The following DOCK10 variants were observed in gnomAD, a reference collection of about 807,000 sequenced individuals.
DOCK10 encodes the protein dedicator of cytokinesis 10.
A neutral mutation model predicts 280.1 loss-of-function variants in DOCK10; 145 were observed. The ratio of observed to expected loss-of-function variants is 0.52; its 90% CI spans 0.45 to 0.59. DOCK10 has a LOEUF of 0.59. DOCK10 is among the 20% of genes least tolerant of loss of function. The pLI is 0.00. For missense variants in DOCK10, 2,368 were observed against 2,651.7 expected, an observed-to-expected ratio of 0.89 and a Z score of 2.35; for synonymous variants, 915 against 942.2, an observed-to-expected ratio of 0.97 and a Z score of 0.53.
chr2:224,805,444 A>G lies in DOCK10; in HGVS notation c.3900T>C (p.Asn1300=), dbSNP rs777043420. 1 of 1,612,600 alleles carries G rather than the reference A, an allele frequency of 6.2e-7. No homozygotes were observed. Among genetic ancestry groups the G allele is most frequent in the Non-Finnish European group, 8.5e-7 (1 of 1,179,162 alleles). The part of the protein sequence containing the change: ...LASLDSNPST[N]EKSSEKTDNC... ...TGTCCGTCTTCTCACTGCTCTTCTC[A>G]TTGGTACTTGGATTGGAGTCAAGAC... Residue 1300 remains asparagine, a synonymous_variant, in exon 35 of 56, where the codon AAT becomes AAC. Coordinates refer to ENST00000258390, the MANE Select transcript of DOCK10 (RefSeq NM_014689.3). This position sits in a 1 kb window ranked among gnomAD's most constrained non-coding sequence, Gnocchi z 4.3.
At chr2:224,974,749 T>TC (rs1260666222) in intron 1 of DOCK10, among the ~76,000 whole-genome samples, 7 of 118,484 alleles carry the variant, frequency 5.9e-5, no homozygotes, top group Non-Finnish European at 1.4e-4. Context: ...CAGTATGATT[T>TC]CCCCCAAAAC....
intron 1 of DOCK10, among the ~76,000 whole-genome samples, chr2:225,018,989 GA>G (rs1362246784): frequency 8.4e-6 from 1 of 118,866 alleles, no homozygotes; most frequent in Non-Finnish European, 1.8e-5. Flanking sequence ...TACATATATA[GA>G]TTTTTTTTAC....
Position 224,793,016 on chromosome 2 carries a change from G to A in DOCK10, c.5269C>T (p.Pro1757Ser), listed in dbSNP as rs775672141. ...TASLLSEDTH[P>S]CDSNSLLTTP... Reference sequence around the variant, plus strand: ...GTTAGTAATGAGTTGCTATCACAGGGGTGGGTATCCTCCGAGAGCAGGGAT... The same window carrying A: ...GTTAGTAATGAGTTGCTATCACAGGAGTGGGTATCCTCCGAGAGCAGGGAT... The change falls in exon 47 of 56, where the codon CCC becomes TCC. Residue 1757 changes from proline (P) to serine (S), a missense_variant. Around this residue, in one of 2 missense-constraint regions of DOCK10, gnomAD observed 1,159 missense variants for 1,400.8 expected, o/e 0.83. Coordinates refer to ENST00000258390, the MANE Select transcript of DOCK10 (RefSeq NM_014689.3). 29 of 1,613,492 alleles carry A rather than the reference G, an allele frequency of 1.8e-5. No homozygotes were observed. The highest frequency in any genetic ancestry group is 2.5e-5 in the Non-Finnish European group (29 of 1,179,696).
intron 55 of DOCK10, among the ~76,000 whole-genome samples, chr2:224,766,543 A>G (rs3768869): frequency 0.16 from 24,245 of 152,148 alleles, 2,314 homozygotes; most frequent in East Asian, 0.33. Flanking sequence ...CTTATGATCA[A>G]TATCACAAAG....
intron 1 of DOCK10, among the ~76,000 whole-genome samples, chr2:224,977,101 C>A (rs1300305187): frequency 6.6e-6 from 1 of 152,178 alleles, no homozygotes; most frequent in Admixed American, 6.6e-5. Flanking sequence ...TCCCAACTCA[C>A]CGCAAATTTA....
chr2:224,847,717 G>A (rs998616837), intron 19 of DOCK10, among the ~76,000 whole-genome samples: 1 of 152,118 alleles, frequency 6.6e-6, no homozygotes, highest in African/African-American at 2.4e-5. Context: ...GAATTTGTGG[G>A]GGAAAAATTA....
At chr2:224,890,082 T>C (rs1230321874) in intron 4 of DOCK10, among the ~76,000 whole-genome samples, 1 of 152,124 alleles carries the variant, frequency 6.6e-6, no homozygotes, top group Admixed American at 6.6e-5. Context: ...AAGACAAACT[T>C]GAAAGTGGAA....
intron 1 of DOCK10, among the ~76,000 whole-genome samples, chr2:224,944,720 A>G (rs568886601): frequency 1.3e-5 from 2 of 152,342 alleles, no homozygotes; most frequent in East Asian, 1.9e-4. Context: ...TGAAAAGCAC[A>G]TCTCAGGATA....
At position 224,886,153 on chromosome 2, in the gene DOCK10, A is replaced by G; in HGVS notation, c.522T>C (p.Gly174=). 1 of 1,613,392 alleles carries G rather than the reference A, an allele frequency of 6.2e-7. No individual in the cohort carries two copies. Among genetic ancestry groups the G allele is most frequent in the Non-Finnish European group, 8.5e-7 (1 of 1,179,760 alleles). ...AAACACCAGTTCCTCCCGCTCCTCCACCCCCCTTGGAAGACGAGTGGGAAG... is the reference window on the plus strand; with the variant it reads ...AAACACCAGTTCCTCCCGCTCCTCCGCCCCCCTTGGAAGACGAGTGGGAAG... ...DTTSHSSSKG[G]GGAGGTGVFK... Residue 174 remains glycine (G), a synonymous_variant, in exon 6 of 56, where the codon GGT becomes GGC. Coordinates refer to ENST00000258390, the MANE Select transcript of DOCK10 (RefSeq NM_014689.3).
intron 1 of DOCK10, among the ~76,000 whole-genome samples, chr2:224,962,972 A>G (rs1169729724): frequency 6.6e-6 from 1 of 152,186 alleles, no homozygotes; most frequent in Non-Finnish European, 1.5e-5. Context: ...GCATTTAACA[A>G]TTGGGAGATT....
chr2:224,801,003 A>C (rs1406538565), intron 40 of DOCK10, among the ~76,000 whole-genome samples: 1 of 152,138 alleles, frequency 6.6e-6, no homozygotes, highest in East Asian at 1.9e-4. Context: ...TGGTAGAAAG[A>C]GTTTATCTAG....
chr2:224,859,853 T>C (rs1034003726), intron 14 of DOCK10, among the ~76,000 whole-genome samples: 2 of 152,248 alleles, frequency 1.3e-5, no homozygotes, highest in African/African-American at 4.8e-5. Flanking sequence ...CTTCCTCTGA[T>C]GCTGTGCACA....
intron 32 of DOCK10, 52 bp downstream of exon 32, chr2:224,807,859 G>T: frequency 6.3e-7 from 1 of 1,585,470 alleles, no homozygotes. Context: ...TGCATTTAAT[G>T]CAGTGAGCCA....
chr2:224,977,814 G>C (rs1353366453), intron 1 of DOCK10, among the ~76,000 whole-genome samples: 1 of 152,138 alleles, frequency 6.6e-6, no homozygotes, highest in Non-Finnish European at 1.5e-5. Flanking sequence ...ATATAGGCTA[G>C]ACTACAATTA....
intron 4 of DOCK10, among the ~76,000 whole-genome samples, chr2:224,890,450 AG>A (rs1469872022): frequency 2.0e-5 from 3 of 152,368 alleles, no homozygotes; most frequent in Admixed American, 2.0e-4. Flanking sequence ...CCAGTTGAGA[AG>A]TGGAACTAAT....
At chr2:224,873,197 G>A (rs1698400405) in intron 11 of DOCK10, among the ~76,000 whole-genome samples, 1 of 152,076 alleles carries the variant, frequency 6.6e-6, no homozygotes, top group South Asian at 2.1e-4. Context: ...ATAATGGCTG[G>A]GAAGTCACAG....
intron 1 of DOCK10, among the ~76,000 whole-genome samples, chr2:224,996,233 C>A (rs1706269805): frequency 6.6e-6 from 1 of 152,156 alleles, no homozygotes; most frequent in Non-Finnish European, 1.5e-5. Flanking sequence ...GCTGGGGGTG[C>A]AAGAGGATAA....
At chr2:225,002,993 C>T (rs1287522356) in intron 1 of DOCK10, among the ~76,000 whole-genome samples, 3 of 152,110 alleles carry the variant, frequency 2.0e-5, no homozygotes, top group Non-Finnish European at 4.4e-5. Context: ...CTGAGAGTGA[C>T]AAATTCCATC....
intron 2 of DOCK10, among the ~76,000 whole-genome samples, chr2:224,920,845 CATAA>C (rs1701663009): frequency 6.6e-6 from 1 of 151,486 alleles, no homozygotes; most frequent in Admixed American, 6.6e-5. Flanking sequence ...TTAAGTAAAA[CATAA>C]ATAATAAGAT....
Sources: gnomAD v4.1 joint callset for allele counts (sites outside exome capture counted in the v4.1 genomes callset) on GRCh38, gnomAD v4.1.1 for gene constraint, gnomAD v4.1.1 regional missense constraint, Gnocchi (gnomAD v3.1) non-coding constraint, MANE v1.5 for transcripts, NCBI Gene and HGNC (gene_info 2026-07-23, HGNC 2026-07-21) for gene names.